Variants in NUMB observed in about 807,000 individuals in gnomAD.
The protein encoded by NUMB is protein numb homolog.
Under a neutral mutation model 59.7 loss-of-function variants are expected in NUMB, and 29 were observed. The observed-to-expected ratio is 0.49, with a 90% CI of 0.36 to 0.66. The LOEUF is 0.66. NUMB is among the 30% of genes least tolerant of loss of function. The probability of loss-of-function intolerance (pLI) is 0.00; values close to 1 mark genes in which losing one functional copy is unlikely to be tolerated. For synonymous variants in NUMB, 288 were observed against 288.2 expected (o/e 1.00, Z 0.01); for missense variants, 723 against 822.0 (o/e 0.88, Z 1.47).
intron 4 of NUMB, among the ~76,000 whole-genome samples, chr14:73,335,026 G>A (rs1287817607): frequency 6.6e-6 from 1 of 151,208 alleles, no homozygotes; most frequent in Admixed American, 6.6e-5. Context: ...CTGTGGTTGG[G>A]TCTCCCCACT....
intron 4 of NUMB, among the ~76,000 whole-genome samples, chr14:73,341,534 T>C (rs1892628801): frequency 6.6e-6 from 1 of 152,242 alleles, no homozygotes; most frequent in African/African-American, 2.4e-5. Context: ...AGTGTCACTA[T>C]AGAATGGAAA....
At chr14:73,278,942 T>A (rs1477757797) in intron 12 of NUMB, among the ~76,000 whole-genome samples, 1 of 152,030 alleles carries the variant, frequency 6.6e-6, no homozygotes, top group Non-Finnish European at 1.5e-5. Context: ...GCCAGGATGG[T>A]CTCCATCTCC....
At chr14:73,438,531 C>A (rs1317889241) in intron 1 of NUMB, among the ~76,000 whole-genome samples, 1 of 147,450 alleles carries the variant, frequency 6.8e-6, no homozygotes, top group East Asian at 2.0e-4. Context: ...CATGGGAGGC[C>A]AAGGCACGGG....
At chr14:73,420,739 G>C (rs545160529) in intron 1 of NUMB, among the ~76,000 whole-genome samples, 55 of 152,238 alleles carry the variant, frequency 3.6e-4, no homozygotes, top group Non-Finnish European at 4.6e-4. Context: ...AGAATTGCTT[G>C]AATCTGGGAG....
At chr14:73,328,120 C>T (rs1891762002) in intron 4 of NUMB, among the ~76,000 whole-genome samples, 1 of 151,942 alleles carries the variant, frequency 6.6e-6, no homozygotes, top group Admixed American at 6.6e-5. Context: ...ACTAAAAATA[C>T]AAAAAGTGGC....
At chr14:73,453,219 G>A (rs1198119804) in intron 1 of NUMB, among the ~76,000 whole-genome samples, 3 of 152,028 alleles carry the variant, frequency 2.0e-5, no homozygotes, top group East Asian at 1.9e-4. Flanking sequence ...TGTAACCTCC[G>A]CCTCCTGGGT....
chr14:73,363,417 C>G (rs1449228891), intron 3 of NUMB, among the ~76,000 whole-genome samples: 1 of 152,088 alleles, frequency 6.6e-6, no homozygotes, highest in Non-Finnish European at 1.5e-5. Context: ...TACTGCATAC[C>G]TGCCCGGCAA....
chr14:73,288,003 C>G (rs545953073), intron 8 of NUMB, among the ~76,000 whole-genome samples: 1 of 152,222 alleles, frequency 6.6e-6, no homozygotes, highest in African/African-American at 2.4e-5. Context: ...CCAGCCACTT[C>G]TAAGAAACTA....
chr14:73,280,585 T>C (rs1888556413), intron 11 of NUMB, among the ~76,000 whole-genome samples: 1 of 151,890 alleles, frequency 6.6e-6, no homozygotes, highest in Admixed American at 6.6e-5. Flanking sequence ...AGCCCAGCTC[T>C]CAATAACATT....
In NUMB at chr14:73,445,381, A is replaced by ACC. The variant is rs1566800966; in HGVS notation, c.-233+13111_-233+13112insGG. On this transcript the variant is annotated intron_variant, in intron 1 of 12. Transcript: ENST00000555238. ...AAAAAAAAAAAAAAAAAAAAAAAAA[A>ACC]AAAAAAAAAAAAAAACTTACAGCTG... Among the ~76,000 whole-genome samples the ACC allele has an allele frequency of 1.2e-4, 15 of 129,848 alleles. No individual in the cohort carries two copies. The South Asian group carries it at 2.0e-3, about 17-fold the overall frequency. The allele number at this position is 129,848 out of a possible 152,430, so 85.2% of individuals were successfully genotyped here. A position where few individuals can be genotyped will look rare whatever the true frequency, so the allele number is the denominator to read the frequency against.
intron 1 of NUMB, among the ~76,000 whole-genome samples, chr14:73,412,939 A>G (rs1896960505): frequency 6.6e-6 from 1 of 152,142 alleles, no homozygotes; most frequent in Admixed American, 6.5e-5. Flanking sequence ...TATTCTCATA[A>G]CTAGGAAAAC....
intron 1 of NUMB, among the ~76,000 whole-genome samples, chr14:73,450,776 G>T (rs959488007): frequency 6.6e-6 from 1 of 150,512 alleles, no homozygotes; most frequent in Non-Finnish European, 1.5e-5. Context: ...AAGACAGAGC[G>T]AGACCCCATC....
intron 4 of NUMB, among the ~76,000 whole-genome samples, chr14:73,349,174 C>G (rs1893066856): frequency 6.6e-6 from 1 of 152,250 alleles, no homozygotes; most frequent in Admixed American, 6.5e-5. Flanking sequence ...GGCACTCTGG[C>G]TCATGCCTGT....
At chr14:73,355,529 G>T in intron 4 of NUMB, 97 bp downstream of exon 4, 1 of 1,080,244 alleles carries the variant, frequency 9.3e-7, no homozygotes, top group Non-Finnish European at 1.3e-6. Context: ...TTTGTTTTTT[G>T]GAAGACTCTC....
At chr14:73,395,040 TGTGTGTGTG>T (rs1896059385) in intron 2 of NUMB, among the ~76,000 whole-genome samples, 1 of 69,726 alleles carries the variant, frequency 1.4e-5, no homozygotes, top group African/African-American at 1.3e-4. Flanking sequence ...CGTGTGTTTG[TGTGTGTGTG>T]TGTGTGTGTG....
chr14:73,335,302 C>CAAAAAAAAAAA (rs10556271), intron 4 of NUMB, among the ~76,000 whole-genome samples: 4 of 100,212 alleles, frequency 4.0e-5, no homozygotes, highest in African/African-American at 7.6e-5. Context: ...GCCAAAAAGA[C>CAAAAAAAAAAA]AAAAAAAAAA....
At chr14:73,318,846 TA>T (rs147935901) in intron 5 of NUMB, among the ~76,000 whole-genome samples, 9,822 of 152,300 alleles carry the variant, frequency 0.064, 781 homozygotes, top group African/African-American at 0.18. Flanking sequence ...TTAGTTATAA[TA>T]TTTTTTTCAT....
chr14:73,295,164 A>T (rs989889466), intron 7 of NUMB, among the ~76,000 whole-genome samples: 6 of 151,686 alleles, frequency 4.0e-5, no homozygotes, highest in African/African-American at 1.5e-4. Context: ...TCTTGCTCAA[A>T]GGTTAAGGGC....
At chr14:73,342,409 C>T (rs1892683098) in intron 4 of NUMB, among the ~76,000 whole-genome samples, 1 of 152,142 alleles carries the variant, frequency 6.6e-6, no homozygotes. Context: ...TGTGAGGCAG[C>T]TTTGAAATGA....
Sources: gnomAD v4.1 joint callset for allele counts (sites outside exome capture counted in the v4.1 genomes callset) on GRCh38, gnomAD v4.1.1 for gene constraint, MANE v1.5 for transcripts, NCBI Gene and HGNC (gene_info 2026-07-23, HGNC 2026-07-21) for gene names.